The following USP12 variants were observed in gnomAD, a reference collection of about 807,000 sequenced individuals.
USP12 encodes the protein ubiquitin carboxyl-terminal hydrolase 12.
USP12 carries 19 observed loss-of-function variants against 45.5 expected under a neutral mutation model. That is an observed-to-expected ratio of 0.42 (90% CI 0.29 to 0.61). The LOEUF (loss-of-function observed/expected upper bound fraction) is 0.61, where lower values mean the gene tolerates loss of function less well. Ranked by LOEUF, USP12 falls within the 20% of genes least tolerant of loss-of-function variation. USP12 has a pLI of 0.22. For missense variants in USP12, 242 were observed against 447.7 expected (o/e 0.54, Z 4.15); for synonymous variants, 149 against 148.8 (o/e 1.00, Z -0.01).
intron 1 of USP12, among the ~76,000 whole-genome samples, chr13:27,153,955 C>T (rs1416199483): frequency 1.3e-5 from 2 of 152,162 alleles, no homozygotes; most frequent in South Asian, 2.1e-4. Flanking sequence ...TTATGGCAGT[C>T]GTTTAATAAC....
At chr13:27,121,898 G>A (rs1406732359) in intron 1 of USP12, among the ~76,000 whole-genome samples, 1 of 151,984 alleles carries the variant, frequency 6.6e-6, no homozygotes, top group African/African-American at 2.4e-5. Context: ...ACAGACACAG[G>A]ATGTAAAACA....
chr13:27,168,801 A>C (rs1044785626), intron 1 of USP12: 1 of 152,230 alleles, frequency 6.6e-6, no homozygotes, highest in African/African-American at 2.4e-5. Context: ...GCTGAAGAGA[A>C]TTGTTTTTAA....
intron 4 of USP12, among the ~76,000 whole-genome samples, chr13:27,093,018 GA>G (rs1874387735): frequency 6.6e-6 from 1 of 152,084 alleles, no homozygotes; most frequent in Non-Finnish European, 1.5e-5. Flanking sequence ...CCAACATGGA[GA>G]AACCCTGTCT....
At chr13:27,116,676 C>T in intron 1 of USP12, 80 bp from the exon 2 acceptor site, 1 of 1,329,252 alleles carries the variant, frequency 7.5e-7, no homozygotes, top group Non-Finnish European at 1.0e-6. Flanking sequence ...TGACAGGCCG[C>T]AACATGATGG....
At chr13:27,150,854 G>A (rs892449129) in intron 1 of USP12, among the ~76,000 whole-genome samples, 7 of 152,110 alleles carry the variant, frequency 4.6e-5, no homozygotes, top group African/African-American at 9.7e-5. Context: ...GGATAGTCAC[G>A]TGCAAAAGAA....
chr13:27,163,782 A>AAAG (rs1555240046), intron 1 of USP12, among the ~76,000 whole-genome samples: 12 of 138,766 alleles, frequency 8.6e-5, no homozygotes, highest in South Asian at 2.3e-4. Flanking sequence ...AAAAAAAAAA[A>AAAG]AAAGAAAAAA....
chr13:27,108,639 C>T (rs1875271526), intron 2 of USP12, among the ~76,000 whole-genome samples: 1 of 152,018 alleles, frequency 6.6e-6, no homozygotes, highest in Admixed American at 6.5e-5. Flanking sequence ...AACACACCAA[C>T]TATACAAAAA....
intron 7 of USP12, among the ~76,000 whole-genome samples, chr13:27,072,462 T>C (rs9901): frequency 1.9e-4 from 29 of 151,826 alleles, no homozygotes; most frequent in African/African-American, 6.8e-4. Context: ...CCTAAGGAAG[T>C]TGTTTCTTAG....
chr13:27,136,625 T>TA (rs1307216932), intron 1 of USP12, among the ~76,000 whole-genome samples: 4 of 152,188 alleles, frequency 2.6e-5, no homozygotes, highest in African/African-American at 9.7e-5. Flanking sequence ...CACGTTAAAT[T>TA]AGAGAAGACA....
intron 1 of USP12, among the ~76,000 whole-genome samples, chr13:27,154,856 C>T (rs376836513): frequency 5.3e-4 from 81 of 152,088 alleles, no homozygotes; most frequent in African/African-American, 1.8e-3. Flanking sequence ...AGGACAGTCG[C>T]CGTCCGAGGG....
intron 5 of USP12, 22 bp downstream of exon 5, chr13:27,090,060 A>G (rs1874242544): frequency 6.3e-7 from 1 of 1,579,130 alleles, no homozygotes. Flanking sequence ...TTAAATTTCA[A>G]ACTAAATAAT....
chr13:27,148,603 G>A (rs1877415640), intron 1 of USP12, among the ~76,000 whole-genome samples: 1 of 149,670 alleles, frequency 6.7e-6, no homozygotes, highest in African/African-American at 2.5e-5. Flanking sequence ...GAACCCGGGA[G>A]GCGGAGGTTG....
rs566522079 is a variant in USP12 at position 27,086,935 on chromosome 13, C to A, written c.734+2948G>T. 2.0e-5 allele frequency among the ~76,000 whole-genome samples: 3 copies of A among 152,274 alleles called. No individual in the cohort carries two copies. In the East Asian group the frequency reaches 5.8e-4, roughly 29 times the overall value. On this transcript the variant is annotated intron_variant, in intron 6 of 8. Coordinates refer to ENST00000282344, the MANE Select transcript of USP12 (RefSeq NM_182488.4). Reference sequence around the variant, plus strand: ...CGTGGTCCATTACCAAAAACACTTTCCTTCCTAGGAAATGTCTGTGTCCAA... The same window carrying A: ...CGTGGTCCATTACCAAAAACACTTTACTTCCTAGGAAATGTCTGTGTCCAA...
chr13:27,092,202 T>C (rs951061607), intron 4 of USP12, among the ~76,000 whole-genome samples: 12 of 152,138 alleles, frequency 7.9e-5, no homozygotes, highest in Admixed American at 2.0e-4. Flanking sequence ...CAAACTCCAA[T>C]GAAAGATAGC....
intron 1 of USP12, among the ~76,000 whole-genome samples, chr13:27,123,253 T>C (rs995567637): frequency 6.6e-6 from 1 of 152,168 alleles, no homozygotes; most frequent in Non-Finnish European, 1.5e-5. Flanking sequence ...AAATGACCTG[T>C]AACAAATCAT....
intron 3 of USP12, among the ~76,000 whole-genome samples, chr13:27,097,380 G>A (rs1289728948): frequency 5.9e-5 from 9 of 152,154 alleles, no homozygotes; most frequent in South Asian, 2.1e-4. Flanking sequence ...CAGAAGAATC[G>A]CTTGAACCCG....
At chr13:27,110,891 C>T (rs1418290446) in intron 2 of USP12, among the ~76,000 whole-genome samples, 4 of 152,072 alleles carry the variant, frequency 2.6e-5, no homozygotes, top group East Asian at 3.9e-4. Flanking sequence ...CAACTTCCAC[C>T]GAGCAGGGAG....
rs1873031354 is a variant in USP12, at chr13:27,067,101, T to A, written c.*2182A>T. ...ACATACACTAGAACTTGCTTTAATATGAAATTTAACTTGGCTTTTACGGCA... is the reference window on the plus strand; with the variant it reads ...ACATACACTAGAACTTGCTTTAATAAGAAATTTAACTTGGCTTTTACGGCA... On this transcript the variant is annotated 3_prime_UTR_variant, in exon 9 of 9. Transcript: ENST00000282344. 6.6e-6 allele frequency: 1 copy of A among 152,132 alleles called. No homozygotes were observed. The highest frequency in any genetic ancestry group is 2.1e-4 in the South Asian group (1 of 4,828). The allele number at this position is 152,132 out of a possible 1,614,324, so 9.4% of individuals were successfully genotyped here.
rs1873063263 is a variant in USP12, at chr13:27,067,752, A to G, written c.*1531T>C. The G allele has an allele frequency of 6.6e-6, 1 of 152,164 alleles. No homozygotes were observed. The highest frequency in any genetic ancestry group is 2.4e-5 in the African/African-American group (1 of 41,454). 9.4% of individuals were successfully genotyped at this position (152,164 alleles called of 1,614,324 possible). ...GAAAATGACAATTTTTTTTAAATTTACTGCCTGAAAAGAGTTTAATAAAGA... is the reference window on the plus strand; with the variant it reads ...GAAAATGACAATTTTTTTTAAATTTGCTGCCTGAAAAGAGTTTAATAAAGA... On this transcript the variant is annotated 3_prime_UTR_variant, in exon 9 of 9. Coordinates refer to ENST00000282344, the MANE Select transcript of USP12 (RefSeq NM_182488.4).
Sources: gnomAD v4.1 joint callset for allele counts (sites outside exome capture counted in the v4.1 genomes callset) on GRCh38, gnomAD v4.1.1 for gene constraint, MANE v1.5 for transcripts, NCBI Gene and HGNC (gene_info 2026-07-23, HGNC 2026-07-21) for gene names.